Variants in PKN3 observed in about 807,000 individuals in gnomAD.
The protein encoded by PKN3 is protein kinase N3, also known as serine/threonine-protein kinase N3.
PKN3 carries 91 observed loss-of-function variants against 113.1 expected under a neutral mutation model. The ratio of observed to expected loss-of-function variants is 0.80; its 90% CI spans 0.68 to 0.96. The LOEUF (loss-of-function observed/expected upper bound fraction) is 0.96, where lower values mean the gene tolerates loss of function less well. Among genes scored for constraint, PKN3 ranks in the 40% least tolerant of loss-of-function variants. The pLI, the probability that PKN3 is intolerant of heterozygous loss-of-function variation, is 0.00. For missense variants in PKN3, 1,052 were observed against 1,202.2 expected, an observed-to-expected ratio of 0.88 and a Z score of 1.85; for synonymous variants, 467 against 499.0, an observed-to-expected ratio of 0.94 and a Z score of 0.85.
rs1481663664 is a variant in PKN3, at chr9:128,720,553, C to G, written c.2617C>G (p.Gln873Glu). 5.6e-6 allele frequency: 9 copies of G among 1,613,578 alleles called. No homozygotes were observed. Among genetic ancestry groups the G allele is most frequent in the Non-Finnish European group, 6.8e-6 (8 of 1,180,018 alleles). Residue 873 changes from glutamine to glutamate, a missense_variant, in exon 22 of 22, where the codon CAG becomes GAG. Physicochemically the swap from Gln to Glu is conservative, Grantham distance 29 (BLOSUM62 2). This residue lies in a region of PKN3 where 333 missense variants were observed against 442.8 expected (regional missense o/e 0.75). Transcript: ENST00000291906. The surrounding 1 kb of genome is among the most constrained non-coding windows in gnomAD (Gnocchi z 5.5). ...CCACAGCCTCCTCACTGCCCGCCAA[C>G]AGGCCGCCTTCCGGGACTTCGACTT... ...APHSLLTARQ[Q>E]AAFRDFDFVS...
At chr9:128,714,431 C>A in intron 11 of PKN3, 66 bp downstream of exon 11, 3 of 1,380,800 alleles carry the variant, frequency 2.2e-6, no homozygotes, top group South Asian at 1.2e-5. Context: ...CAGATCCAGG[C>A]GGTATCTGTC....
rs763527768 is a variant in PKN3 at position 128,714,689 on chromosome 9, CT to C, written c.1584+26del. The C allele has an allele frequency of 7.5e-6, 10 of 1,329,288 alleles. No homozygotes were observed. The African/African-American group carries it at 1.4e-4, about 19-fold the overall frequency. The allele number at this position is 1,329,288 out of a possible 1,614,324, so 82.3% of individuals were successfully genotyped here. ...GGTGAGGGGCTGGAGGGACTAGTGG[CT>C]CCTAGGGCCGGCTGGGGCTGGCAGG... On this transcript the variant is annotated intron_variant, in intron 12 of 21. Transcript: ENST00000291906.
At chr9:128,716,500 A>G (rs1862342301) in intron 15 of PKN3, among the ~76,000 whole-genome samples, 1 of 151,734 alleles carries the variant, frequency 6.6e-6, no homozygotes, top group East Asian at 1.9e-4. Context: ...CGGGAGGCTG[A>G]GGCACAAAAA....
At position 128,713,628 on chromosome 9, in the gene PKN3, C is replaced by T; in HGVS notation, c.1222C>T (p.Leu408=). The T allele has an allele frequency of 6.2e-7, 1 of 1,613,648 alleles. No individual in the cohort carries two copies. ...QLSLSLVPQG[L]LFAQVTFCDP... ...GTCCCTCAGCCTGGTACCGCAGGGA[C>T]TGCTTTTTGCCCAGGTGCTCACCAC... is the stretch of plus-strand genomic sequence containing the variant. Residue 408 remains leucine, a synonymous_variant, in exon 9 of 22, where the codon CTG becomes TTG. Coordinates refer to ENST00000291906, the MANE Select transcript of PKN3 (RefSeq NM_013355.5).
chr9:128,720,507 T>C lies in PKN3; in HGVS notation c.2571T>C (p.Pro857=). The C allele has an allele frequency of 2.5e-6, 4 of 1,613,336 alleles. No individual in the cohort carries two copies. The highest frequency in any genetic ancestry group is 3.4e-6 in the Non-Finnish European group (4 of 1,179,976). ...YFEGEFTGLP[P]ALTPPAPHSL... ...AGGGCGAGTTCACAGGGCTGCCGCC[T>C]GCCCTGACCCCACCTGCACCCCACA... Residue 857 remains proline (P), a synonymous_variant, in exon 22 of 22, where the codon CCT becomes CCC. Transcript: ENST00000291906. This position sits in a 1 kb window ranked among gnomAD's most constrained non-coding sequence, Gnocchi z 5.5.
rs757837894 is a variant in PKN3, at chr9:128,713,658, G to T, written c.1236+16G>T. On this transcript the variant is annotated intron_variant, in intron 9 of 21. Transcript: ENST00000291906. ...TTTTGCCCAGGTGCTCACCACCTCC[G>T]CCCTCTGACTTGGTGGGACCCTGGG... 3.7e-6 allele frequency: 6 copies of T among 1,612,704 alleles called. No individual in the cohort carries two copies. The highest frequency in any genetic ancestry group is 5.1e-6 in the Non-Finnish European group (6 of 1,179,562).
intron 1 of PKN3, chr9:128,703,385 G>GAGTC (rs1273108149): frequency 1.0e-6 from 1 of 985,346 alleles, no homozygotes; most frequent in Non-Finnish European, 1.2e-6. Context: ...GCAGTGGCAG[G>GAGTC]AGTCCTTCCC....
In PKN3 at chr9:128,717,106, G is replaced by A. The variant is rs1862361466; in HGVS notation, c.1985+183G>A. On this transcript the variant is annotated intron_variant, in intron 16 of 21. Coordinates refer to ENST00000291906, the MANE Select transcript of PKN3 (RefSeq NM_013355.5). The stretch of plus-strand genomic sequence containing the variant: ...CCTGGGTATCAGCTTATGAAGCTGT[G>A]CATTAGGTTTCTTTTTTTTTTTTTT... Among the ~76,000 whole-genome samples the A allele has an allele frequency of 8.6e-5, 3 of 34,846 alleles. No homozygotes were observed. The South Asian group carries it at 3.4e-3, about 40-fold the overall frequency. The allele number at this position is 34,846 out of a possible 152,430, so 22.9% of individuals were successfully genotyped here. A position where few individuals can be genotyped will look rare whatever the true frequency, so the allele number is the denominator to read the frequency against.
intron 3 of PKN3, 115 bp from the exon 4 acceptor site, chr9:128,706,598 T>A (rs1390291241): frequency 1.7e-5 from 13 of 782,986 alleles, no homozygotes; most frequent in Non-Finnish European, 2.6e-5. Flanking sequence ...GTGTTTGGCC[T>A]AGAGGTTTCA....
At chr9:128,713,455 G>A (rs752789773) in intron 8 of PKN3, 44 bp from the exon 9 acceptor site, 10 of 1,613,226 alleles carry the variant, frequency 6.2e-6, no homozygotes, top group Admixed American at 1.7e-5. Flanking sequence ...CCAGGTCGGG[G>A]CTCGTTCTGC....
At position 128,705,241 on chromosome 9, in the gene PKN3, CT is replaced by C. The variant is rs1336388711; in HGVS notation, c.25-61del. On this transcript the variant is annotated intron_variant, in intron 1 of 21. Transcript: ENST00000291906. The stretch of plus-strand genomic sequence containing the variant: ...CGCCTCCATCTGCAGTGAGCAAAGG[CT>C]GCTGGTGGCCGCTGCACCCCATGGC... 1.9e-6 allele frequency: 3 copies of C among 1,540,768 alleles called. No homozygotes were observed. The Admixed American group carries it at 6.3e-5, about 33-fold the overall frequency.
At chr9:128,704,080 G>C (rs1247816039) in intron 1 of PKN3, 1 of 985,236 alleles carries the variant, frequency 1.0e-6, no homozygotes, top group Non-Finnish European at 1.2e-6. Flanking sequence ...CCCTGAGTCT[G>C]GGGTTGCGGC....
At chr9:128,703,844 C>T (rs150713254) in intron 1 of PKN3, 6 of 985,488 alleles carry the variant, frequency 6.1e-6, no homozygotes, top group East Asian at 1.1e-4. Flanking sequence ...CTGTTCCAGA[C>T]GTAGCTTGTA....
rs1862236668 is a variant in PKN3, at chr9:128,713,342, G to A, written c.1047G>A (p.Val349=). 1 of 1,614,094 alleles carries A rather than the reference G, an allele frequency of 6.2e-7. No individual in the cohort carries two copies. The highest frequency in any genetic ancestry group is 8.5e-7 in the Non-Finnish European group (1 of 1,180,026). The change falls in exon 8 of 22, where the codon GTG becomes GTA. Residue 349 remains valine, a synonymous_variant. Coordinates refer to ENST00000291906, the MANE Select transcript of PKN3 (RefSeq NM_013355.5). ...RVVGQTGWGQ[V]AEQSWDQTFV... ...TGGGGCAGACGGGCTGGGGGCAGGT[G>A]GCCGAACAGTCCTGGGACCAGACCT...
chr9:128,718,424 G>A (rs1477342184), intron 17 of PKN3, 37 bp downstream of exon 17: 2 of 1,564,384 alleles, frequency 1.3e-6, no homozygotes, highest in East Asian at 2.2e-5. Context: ...GGGTAGGGGT[G>A]GGGGTGGGGG....
intron 13 of PKN3, 56 bp downstream of exon 13, chr9:128,714,921 T>C (rs1862296110): frequency 3.3e-6 from 5 of 1,519,628 alleles, no homozygotes; most frequent in Non-Finnish European, 4.6e-6. Flanking sequence ...GCTTGAACAT[T>C]TGTGTATCCA....
At position 128,713,103 on chromosome 9, in the gene PKN3, C is replaced by T. The variant is rs779409698; in HGVS notation, c.887C>T (p.Pro296Leu). 1.2e-5 allele frequency: 20 copies of T among 1,612,052 alleles called. No individual in the cohort carries two copies. The highest frequency in any genetic ancestry group is 4.0e-5 in the African/African-American group (3 of 74,920). The change falls in exon 7 of 22, where the codon CCT (proline) becomes CTT (leucine). Residue 296 changes from proline to leucine, a missense_variant. Physicochemically the swap from Pro to Leu is moderately conservative, Grantham distance 98. Coordinates refer to ENST00000291906, the MANE Select transcript of PKN3 (RefSeq NM_013355.5). ...LGCEQLLTAV[P>L]GRSPAAALAS... ...TGTGAACAGTTGCTGACAGCCGTGC[C>T]TGGGCGCTCCCCAGCGGCCGCACTG...
chr9:128,706,949 G>A lies in PKN3; in HGVS notation c.577G>A (p.Val193Met). The change falls in exon 5 of 22, where the codon GTG becomes ATG. Residue 193 changes from valine (V) to methionine (M), a missense_variant. Val to Met is a conservative substitution (Grantham distance 21). This residue lies in a region of PKN3 where 719 missense variants were observed against 759.4 expected (regional missense o/e 0.95). Transcript: ENST00000291906. ...GCATCGACTGCACGTTGAGGCAGCT[G>A]TGGCTGAGGGCGCCAAGAACGTGGT... ...LQHRLHVEAA[V>M]AEGAKNVVKL... is the part of the protein sequence containing the mutation. 6.2e-7 allele frequency: 1 copy of A among 1,614,198 alleles called. No individual in the cohort carries two copies. Among genetic ancestry groups the A allele is most frequent in the Non-Finnish European group, 8.5e-7 (1 of 1,180,024 alleles).
chr9:128,707,767 C>G (rs1295110468), intron 6 of PKN3, among the ~76,000 whole-genome samples: 4 of 152,194 alleles, frequency 2.6e-5, no homozygotes, highest in Non-Finnish European at 5.9e-5. Flanking sequence ...CACTGGGCAG[C>G]TTGGACTGTT....
Sources: gnomAD v4.1 joint callset for allele counts (sites outside exome capture counted in the v4.1 genomes callset) on GRCh38, gnomAD v4.1.1 for gene constraint, gnomAD v4.1.1 regional missense constraint, Gnocchi (gnomAD v3.1) non-coding constraint, MANE v1.5 for transcripts, NCBI Gene and HGNC (gene_info 2026-07-23, HGNC 2026-07-21) for gene names.